The following SMARCC1 variants were observed in gnomAD, a reference collection of about 807,000 sequenced individuals.
The protein encoded by SMARCC1 is SWI/SNF complex subunit SMARCC1.
A neutral mutation model predicts 147.4 loss-of-function variants in SMARCC1; 43 were observed. That is an observed-to-expected ratio of 0.29 (90% CI 0.23 to 0.38). The LOEUF (loss-of-function observed/expected upper bound fraction) is 0.38, where lower values mean the gene tolerates loss of function less well. Among genes scored for constraint, SMARCC1 ranks in the 10% least tolerant of loss-of-function variants. SMARCC1 has a pLI of 1.00. For missense variants in SMARCC1, 1,119 were observed against 1,381.1 expected, an observed-to-expected ratio of 0.81 and a Z score of 3.01; for synonymous variants, 495 against 484.4, an observed-to-expected ratio of 1.02 and a Z score of -0.29.
intron 24 of SMARCC1, among the ~76,000 whole-genome samples, chr3:47,625,301 CTTTAT>C (rs1370928032): frequency 1.3e-5 from 2 of 151,154 alleles, no homozygotes; most frequent in African/African-American, 4.9e-5. Context: ...CTTTATTTTT[CTTTAT>C]TTTATTTTTA....
chr3:47,763,065 C>CA (rs11285718), intron 2 of SMARCC1, among the ~76,000 whole-genome samples: 33 of 141,778 alleles, frequency 2.3e-4, no homozygotes, highest in African/African-American at 1.5e-4. Context: ...GACTCCATCT[C>CA]AAAAAAAAAA....
chr3:47,635,939 A>C, intron 23 of SMARCC1, 83 bp downstream of exon 23: 1 of 702,084 alleles, frequency 1.4e-6, no homozygotes, highest in Non-Finnish European at 2.4e-6. Flanking sequence ...AAATGAGGAA[A>C]TATTTCTATA....
intron 24 of SMARCC1, among the ~76,000 whole-genome samples, chr3:47,628,045 C>T (rs2032837284): frequency 6.7e-6 from 1 of 149,188 alleles, no homozygotes; most frequent in Non-Finnish European, 1.5e-5. Context: ...AGCATGTCTC[C>T]TATATATATA....
intron 26 of SMARCC1, among the ~76,000 whole-genome samples, chr3:47,596,592 TAAG>T (rs922857996): frequency 1.6e-4 from 24 of 150,412 alleles, no homozygotes; most frequent in South Asian, 4.2e-4. Context: ...AATAAATAAA[TAAG>T]AAGAAGAAGA....
chr3:47,780,172 T>C (rs978441749), intron 1 of SMARCC1, among the ~76,000 whole-genome samples: 6 of 134,194 alleles, frequency 4.5e-5, no homozygotes, highest in Non-Finnish European at 8.0e-5. Context: ...TTTTTTGTTT[T>C]TTTTTTTTTT....
chr3:47,635,707 A>G (rs2032960478), intron 23 of SMARCC1, among the ~76,000 whole-genome samples: 1 of 152,236 alleles, frequency 6.6e-6, no homozygotes, highest in South Asian at 2.1e-4. Flanking sequence ...AGCTGAGAAC[A>G]GACTACTTCT....
chr3:47,727,873 G>A (rs2034318910), intron 6 of SMARCC1, among the ~76,000 whole-genome samples: 2 of 151,904 alleles, frequency 1.3e-5, no homozygotes, highest in Non-Finnish European at 1.5e-5. Flanking sequence ...TTACAGGCCT[G>A]AGCCACAGCG....
At chr3:47,592,425 TTC>T (rs1327414403) in intron 26 of SMARCC1, among the ~76,000 whole-genome samples, 2 of 152,230 alleles carry the variant, frequency 1.3e-5, no homozygotes, top group East Asian at 3.8e-4. Context: ...AACATTATTC[TTC>T]TTTTGATATC....
At chr3:47,608,119 G>A (rs368146194) in intron 26 of SMARCC1, among the ~76,000 whole-genome samples, 2 of 152,060 alleles carry the variant, frequency 1.3e-5, no homozygotes, top group Admixed American at 1.3e-4. Context: ...ACACAGTCTC[G>A]CTCTGTCACC....
intron 5 of SMARCC1, among the ~76,000 whole-genome samples, chr3:47,730,748 C>G (rs2034364189): frequency 6.6e-6 from 1 of 151,950 alleles, no homozygotes; most frequent in African/African-American, 2.4e-5. Flanking sequence ...CGCCTATAAT[C>G]CCAGCTACTC....
chr3:47,671,196 A>AACAACAAC (rs1553681999), intron 18 of SMARCC1, among the ~76,000 whole-genome samples: 6 of 81,208 alleles, frequency 7.4e-5, no homozygotes, highest in African/African-American at 2.4e-4. Context: ...AAAAAAAAAA[A>AACAACAAC]AACACACACA....
intron 24 of SMARCC1, among the ~76,000 whole-genome samples, chr3:47,624,315 G>A (rs1463439201): frequency 6.6e-6 from 1 of 151,832 alleles, no homozygotes; most frequent in Non-Finnish European, 1.5e-5. Flanking sequence ...TAAAATAAAA[G>A]AGGCAGCAGG....
chr3:47,602,780 G>A (rs567660198), intron 26 of SMARCC1, among the ~76,000 whole-genome samples: 118 of 152,262 alleles, frequency 7.7e-4, no homozygotes, highest in Non-Finnish European at 1.2e-3. Flanking sequence ...GAGTACACAC[G>A]AAGGCTTCCC....
chr3:47,751,965 T>C (rs1052897680), intron 2 of SMARCC1, among the ~76,000 whole-genome samples: 1 of 152,038 alleles, frequency 6.6e-6, no homozygotes, highest in Non-Finnish European at 1.5e-5. Context: ...ACATCTGTGA[T>C]CCCAGCTACT....
Position 47,730,289 on chromosome 3 carries a change from A to G in SMARCC1, c.577-1195T>C, listed in dbSNP as rs530013604. On this transcript the variant is annotated intron_variant, in intron 5 of 27. Coordinates refer to ENST00000254480, the MANE Select transcript of SMARCC1 (RefSeq NM_003074.4). ...GATCACTTGAGCCTAGGAGTTCAAG[A>G]CTAGTCTGGGCAACACAGTGAGACC... 3.9e-5 allele frequency among the ~76,000 whole-genome samples: 6 copies of G among 152,336 alleles called. No individual in the cohort carries two copies. In the South Asian group the frequency reaches 1.2e-3, roughly 32 times the overall value.
At chr3:47,599,997 A>G (rs535114431) in intron 26 of SMARCC1, among the ~76,000 whole-genome samples, 43 of 152,234 alleles carry the variant, frequency 2.8e-4, no homozygotes, top group Non-Finnish European at 5.3e-4. Flanking sequence ...ATTACCCTAC[A>G]TCTTTATGAA....
rs763911271 is a variant in SMARCC1 at position 47,623,134 on chromosome 3, CTTTTTTTTTT to C, written c.2647-803_2647-794del. Among the ~76,000 whole-genome samples the C allele has an allele frequency of 4.4e-5, 3 of 67,474 alleles. No individual in the cohort carries two copies. In the East Asian group the frequency reaches 1.2e-3, roughly 27 times the overall value. The allele number at this position is 67,474 out of a possible 152,430, so 44.3% of individuals were successfully genotyped here. A position where few individuals can be genotyped will look rare whatever the true frequency, so the allele number is the denominator to read the frequency against. ...GTGTTTATCTTGCTTCTACACAAGG[CTTTTTTTTTT>C]TTTTTTTTTTTTAAAGAAGCAGGGT... On this transcript the variant is annotated intron_variant, in intron 24 of 27. Coordinates refer to ENST00000254480, the MANE Select transcript of SMARCC1 (RefSeq NM_003074.4).
chr3:47,633,649 C>T (rs2032921623), intron 24 of SMARCC1, among the ~76,000 whole-genome samples: 1 of 142,662 alleles, frequency 7.0e-6, no homozygotes, highest in Non-Finnish European at 1.5e-5. Context: ...GAGGCTGAGA[C>T]AGGAGAATCG....
At chr3:47,759,926 A>G (rs1183931771) in intron 2 of SMARCC1, among the ~76,000 whole-genome samples, 1 of 151,302 alleles carries the variant, frequency 6.6e-6, no homozygotes. Flanking sequence ...AACAAAAGCG[A>G]GACTCCATCT....
Sources: allele counts gnomAD v4.1 joint callset (sites outside exome capture counted in the v4.1 genomes callset), GRCh38; gene constraint gnomAD v4.1.1; transcripts MANE v1.5; gene names NCBI Gene and HGNC (gene_info 2026-07-23, HGNC 2026-07-21).